SCFD2: variants seen among roughly 807,000 people sequenced by gnomAD.
SCFD2 encodes the protein sec1 family domain containing 2.
In SCFD2, 54 loss-of-function variants were observed where a neutral mutation model predicts 58.9. The observed-to-expected ratio is 0.92, with a 90% confidence interval of 0.74 to 1.15. The LOEUF (loss-of-function observed/expected upper bound fraction) is 1.15. SCFD2 is among the 50% of genes most tolerant of loss of function. The pLI is 0.00. For synonymous variants in SCFD2, 321 were observed against 335.9 expected, an observed-to-expected ratio of 0.96 and a Z score of 0.49; for missense variants, 805 against 836.6, an observed-to-expected ratio of 0.96 and a Z score of 0.47.
At chr4:53,081,453 T>C (rs73818021) in intron 5 of SCFD2, among the ~76,000 whole-genome samples, 1,776 of 152,228 alleles carry the variant, frequency 0.012, 30 homozygotes, top group African/African-American at 0.033. Flanking sequence ...TTTATGTCCA[T>C]GTGTGCTCAA....
intron 4 of SCFD2, among the ~76,000 whole-genome samples, chr4:53,259,737 T>C (rs1335580143): frequency 4.6e-5 from 7 of 152,154 alleles, no homozygotes; most frequent in Non-Finnish European, 8.8e-5. Context: ...TAGAATTGTT[T>C]TTCTAGTTCT....
intron 5 of SCFD2, among the ~76,000 whole-genome samples, chr4:53,078,794 A>G (rs1354104693): frequency 6.6e-6 from 1 of 152,164 alleles, no homozygotes; most frequent in Non-Finnish European, 1.5e-5. Context: ...GTATTTACTA[A>G]TATAATAAAA....
At chr4:53,234,428 T>A (rs2149011825) in intron 4 of SCFD2, among the ~76,000 whole-genome samples, 1 of 152,262 alleles carries the variant, frequency 6.6e-6, no homozygotes, top group African/African-American at 2.4e-5. Context: ...CTATAAATAA[T>A]ACAGTATCCC....
intron 5 of SCFD2, among the ~76,000 whole-genome samples, chr4:52,964,631 C>T (rs539895816): frequency 1.3e-5 from 2 of 152,144 alleles, no homozygotes; most frequent in Non-Finnish European, 2.9e-5. Flanking sequence ...ACAATATAGT[C>T]AACTACTACA....
intron 5 of SCFD2, among the ~76,000 whole-genome samples, chr4:52,970,049 G>T (rs1357606748): frequency 6.6e-6 from 1 of 152,200 alleles, no homozygotes; most frequent in Non-Finnish European, 1.5e-5. Context: ...GAGCCAAGAT[G>T]GCTGAATAGG....
At chr4:53,205,382 A>G (rs1728374514) in intron 4 of SCFD2, among the ~76,000 whole-genome samples, 1 of 152,136 alleles carries the variant, frequency 6.6e-6, no homozygotes, top group Non-Finnish European at 1.5e-5. Context: ...AACTGACTCC[A>G]TCCCAGGAAA....
intron 5 of SCFD2, among the ~76,000 whole-genome samples, chr4:52,959,492 T>C (rs1720793921): frequency 2.0e-5 from 3 of 152,162 alleles, no homozygotes; most frequent in Admixed American, 2.0e-4. Context: ...TTCCTAAATC[T>C]CATCTGGGCT....
chr4:53,006,651 T>A lies in SCFD2; in HGVS notation c.1562-85781A>T, dbSNP rs571958831. Among the ~76,000 whole-genome samples, 3 of 152,356 alleles carry A rather than the reference T, an allele frequency of 2.0e-5. No homozygotes were observed. The South Asian group carries it at 6.2e-4, about 32-fold the overall frequency. On this transcript the variant is annotated intron_variant, in intron 5 of 8. Transcript: ENST00000401642. ...AGTATAACCTGTTCTGTTTTAGGTT[T>A]TGAGGCAAGCTTAAAATATAGACTG...
At chr4:53,341,003 T>C (rs1026741132) in intron 2 of SCFD2, among the ~76,000 whole-genome samples, 1 of 151,748 alleles carries the variant, frequency 6.6e-6, no homozygotes, top group African/African-American at 2.4e-5. Flanking sequence ...ACCACAAAGA[T>C]GGGGAAAAAA....
intron 5 of SCFD2, chr4:52,950,630 CTG>C (rs1720566618): frequency 6.6e-6 from 1 of 152,200 alleles, no homozygotes; most frequent in African/African-American, 2.4e-5. Flanking sequence ...TGTGGCATGA[CTG>C]TAGGTGAAAC....
intron 2 of SCFD2, among the ~76,000 whole-genome samples, chr4:53,333,371 A>G (rs1439172452): frequency 1.0e-4 from 14 of 139,558 alleles, no homozygotes; most frequent in African/African-American, 3.5e-4. Flanking sequence ...TACAGTAACC[A>G]AAACAGCATG....
intron 4 of SCFD2, among the ~76,000 whole-genome samples, chr4:53,178,884 G>A (rs1474590910): frequency 2.0e-5 from 3 of 152,184 alleles, no homozygotes; most frequent in Non-Finnish European, 2.9e-5. Context: ...GCGATCAACT[G>A]GAAGACAGGG....
At chr4:53,286,856 G>T (rs1731684095) in intron 3 of SCFD2, among the ~76,000 whole-genome samples, 1 of 152,110 alleles carries the variant, frequency 6.6e-6, no homozygotes, top group South Asian at 2.1e-4. Context: ...TGGTGCTACT[G>T]CACTTGGCCT....
At chr4:53,237,325 A>G (rs1729659904) in intron 4 of SCFD2, among the ~76,000 whole-genome samples, 1 of 151,608 alleles carries the variant, frequency 6.6e-6, no homozygotes, top group South Asian at 2.1e-4. Context: ...CGCCATTGTC[A>G]TCCTGGCCCG....
intron 4 of SCFD2, among the ~76,000 whole-genome samples, chr4:53,214,318 T>C (rs1423209075): frequency 1.3e-5 from 2 of 149,690 alleles, no homozygotes; most frequent in Non-Finnish European, 2.9e-5. Flanking sequence ...CAGCACCTAT[T>C]GTTTCCTGAC....
At chr4:53,261,924 T>C (rs1381464047) in intron 4 of SCFD2, among the ~76,000 whole-genome samples, 1 of 152,208 alleles carries the variant, frequency 6.6e-6, no homozygotes, top group African/African-American at 2.4e-5. Flanking sequence ...CATATATATT[T>C]AGGATTGTGA....
intron 5 of SCFD2, among the ~76,000 whole-genome samples, chr4:53,027,057 G>T (rs1166149649): frequency 6.6e-6 from 1 of 152,128 alleles, no homozygotes; most frequent in East Asian, 1.9e-4. Context: ...GTTCCTAATT[G>T]ACCACATTAT....
chr4:53,213,645 C>T (rs1254864137), intron 4 of SCFD2, among the ~76,000 whole-genome samples: 3 of 151,980 alleles, frequency 2.0e-5, no homozygotes, highest in Non-Finnish European at 2.9e-5. Flanking sequence ...TTTAATAATG[C>T]CATACGGTTC....
intron 5 of SCFD2, among the ~76,000 whole-genome samples, chr4:53,086,326 AATGAG>A (rs1724303206): frequency 6.6e-6 from 1 of 152,164 alleles, no homozygotes; most frequent in South Asian, 2.1e-4. Flanking sequence ...TCAAAACTAC[AATGAG>A]ATATCACCTC....
Sources: gnomAD v4.1 joint callset for allele counts (sites outside exome capture counted in the v4.1 genomes callset) on GRCh38, gnomAD v4.1.1 for gene constraint, MANE v1.5 for transcripts, NCBI Gene and HGNC (gene_info 2026-07-23, HGNC 2026-07-21) for gene names.